NMNAT3: variants seen among roughly 807,000 people sequenced by gnomAD.
NMNAT3 encodes nicotinamide/nicotinic acid mononucleotide adenylyltransferase 3.
Under a neutral mutation model 24.8 loss-of-function variants are expected in NMNAT3, and 21 were observed. The ratio of observed to expected loss-of-function variants is 0.85; its 90% CI spans 0.60 to 1.22. NMNAT3 has a LOEUF of 1.22. Ranked by LOEUF, NMNAT3 falls within the 50% of genes most tolerant of loss-of-function variation. NMNAT3 has a pLI of 0.00. For missense variants in NMNAT3, 387 were observed against 436.6 expected, an observed-to-expected ratio of 0.89 and a Z score of 1.01; for synonymous variants, 136 against 155.2, an observed-to-expected ratio of 0.88 and a Z score of 0.92.
intron 3 of NMNAT3, among the ~76,000 whole-genome samples, chr3:139,626,161 A>G (rs1003769963): frequency 6.6e-6 from 1 of 152,018 alleles, no homozygotes; most frequent in African/African-American, 2.4e-5. Context: ...GTTTTCATCA[A>G]ATTTGGAGAA....
At chr3:139,626,613 A>G (rs906809917) in intron 3 of NMNAT3, among the ~76,000 whole-genome samples, 2 of 151,992 alleles carry the variant, frequency 1.3e-5, no homozygotes, top group Non-Finnish European at 2.9e-5. Context: ...ATGGGTAGAG[A>G]CTTTAAATCT....
At chr3:139,615,767 AT>A (rs2055471003) in intron 3 of NMNAT3, among the ~76,000 whole-genome samples, 1 of 152,182 alleles carries the variant, frequency 6.6e-6, no homozygotes, top group South Asian at 2.1e-4. Flanking sequence ...AGAGTAGAAT[AT>A]TTGTTTAGAG....
intron 1 of NMNAT3, among the ~76,000 whole-genome samples, chr3:139,659,081 A>G (rs537903205): frequency 6.6e-6 from 1 of 152,258 alleles, no homozygotes; most frequent in South Asian, 2.1e-4. Context: ...GTTCACTCAC[A>G]TTGTTCTGTG....
intron 3 of NMNAT3, chr3:139,599,201 C>T: frequency 3.4e-6 from 2 of 589,940 alleles, no homozygotes; most frequent in Non-Finnish European, 6.0e-6. Context: ...ATATTTAAAA[C>T]AAAACTACAT....
intron 3 of NMNAT3, among the ~76,000 whole-genome samples, chr3:139,597,934 T>A (rs1264209786): frequency 1.3e-5 from 2 of 152,242 alleles, no homozygotes; most frequent in African/African-American, 4.8e-5. Context: ...TGACTCAAGA[T>A]CTGTGATCAA....
chr3:139,613,015 T>TA (rs2055303541), intron 3 of NMNAT3, among the ~76,000 whole-genome samples: 3 of 152,170 alleles, frequency 2.0e-5, no homozygotes, highest in African/African-American at 7.2e-5. Flanking sequence ...ATGTTAGATC[T>TA]AAAACCATAA....
intron 1 of NMNAT3, among the ~76,000 whole-genome samples, chr3:139,672,333 T>G (rs1216463020): frequency 6.6e-6 from 1 of 152,248 alleles, no homozygotes; most frequent in African/African-American, 2.4e-5. Flanking sequence ...AGATTGGCTC[T>G]AATTTAAAAC....
chr3:139,628,995 G>A (rs938698028), intron 2 of NMNAT3, among the ~76,000 whole-genome samples: 2 of 152,176 alleles, frequency 1.3e-5, no homozygotes, highest in Non-Finnish European at 2.9e-5. Flanking sequence ...TGTGTCTGTG[G>A]TAGGCAGTGT....
At chr3:139,582,585 T>C (rs1179786596) in intron 4 of NMNAT3, among the ~76,000 whole-genome samples, 4 of 127,194 alleles carry the variant, frequency 3.1e-5, no homozygotes, top group Non-Finnish European at 6.1e-5. Flanking sequence ...GAGGTTGCAG[T>C]GAGTCAAGAT....
intron 1 of NMNAT3, among the ~76,000 whole-genome samples, chr3:139,661,308 A>C (rs1396215703): frequency 6.6e-6 from 1 of 152,164 alleles, no homozygotes; most frequent in East Asian, 1.9e-4. Flanking sequence ...GCTCAGCCTA[A>C]GACTAAGTAC....
chr3:139,657,783 G>A (rs2057292654), intron 1 of NMNAT3, among the ~76,000 whole-genome samples: 1 of 151,276 alleles, frequency 6.6e-6, no homozygotes, highest in Non-Finnish European at 1.5e-5. Flanking sequence ...GCATGGGAAT[G>A]TGCCATGAGG....
chr3:139,568,761 A>G (rs1237834610), intron 6 of NMNAT3: 1 of 152,194 alleles, frequency 6.6e-6, no homozygotes. Context: ...TTTACTTCCA[A>G]CTATGTGGTC....
At chr3:139,597,267 T>G (rs2054526152) in intron 3 of NMNAT3, among the ~76,000 whole-genome samples, 1 of 152,140 alleles carries the variant, frequency 6.6e-6, no homozygotes, top group Admixed American at 6.5e-5. Context: ...TGCATCATGC[T>G]AAGGAAGGAT....
chr3:139,595,408 T>A (rs2054401905), intron 3 of NMNAT3, among the ~76,000 whole-genome samples: 1 of 152,160 alleles, frequency 6.6e-6, no homozygotes, highest in Non-Finnish European at 1.5e-5. Context: ...ACAGATTCAA[T>A]GCCATCCCCA....
intron 1 of NMNAT3, among the ~76,000 whole-genome samples, chr3:139,661,404 C>T (rs2057412410): frequency 1.3e-5 from 2 of 152,188 alleles, no homozygotes; most frequent in South Asian, 4.1e-4. Flanking sequence ...TGTGGTGGCT[C>T]ATACCTGTAA....
At chr3:139,651,944 AGT>A (rs1438651522) in intron 1 of NMNAT3, among the ~76,000 whole-genome samples, 1 of 152,136 alleles carries the variant, frequency 6.6e-6, no homozygotes, top group Admixed American at 6.5e-5. Context: ...TGGGGACCTA[AGT>A]CCTCCCTTCC....
At chr3:139,676,366 A>G (rs896909548) in intron 1 of NMNAT3, among the ~76,000 whole-genome samples, 2 of 152,254 alleles carry the variant, frequency 1.3e-5, no homozygotes, top group African/African-American at 4.8e-5. Context: ...AAGGTCTGAC[A>G]CGTCCTTAGC....
intron 5 of NMNAT3, chr3:139,577,905 T>TAA (rs1939576442): frequency 6.6e-6 from 1 of 152,216 alleles, no homozygotes; most frequent in South Asian, 2.1e-4. Flanking sequence ...ACTAAAAAGG[T>TAA]AAATCTTTTT....
intron 1 of NMNAT3, among the ~76,000 whole-genome samples, chr3:139,641,033 T>C (rs1464430033): frequency 6.6e-6 from 1 of 152,228 alleles, no homozygotes; most frequent in Non-Finnish European, 1.5e-5. Context: ...GTAACAACTG[T>C]AGTCTCTATG....
Sources: allele counts gnomAD v4.1 joint callset (sites outside exome capture counted in the v4.1 genomes callset), GRCh38; gene constraint gnomAD v4.1.1; transcripts MANE v1.5; gene names NCBI Gene and HGNC (gene_info 2026-07-23, HGNC 2026-07-21).